Variants in LEF1 observed in about 807,000 individuals in gnomAD.
LEF1 encodes lymphoid enhancer binding factor 1.
A neutral mutation model predicts 51.2 loss-of-function variants in LEF1; 14 were observed. The ratio of observed to expected loss-of-function variants is 0.27; its 90% confidence interval spans 0.18 to 0.43. The LOEUF (loss-of-function observed/expected upper bound fraction) is 0.43, where lower values mean the gene tolerates loss of function less well. Among genes scored for constraint, LEF1 ranks in the 20% least tolerant of loss-of-function variants. The pLI, the probability that LEF1 is intolerant of heterozygous loss-of-function variation, is 1.00. For synonymous variants in LEF1, 185 were observed against 183.2 expected, an observed-to-expected ratio of 1.01 and a Z score of -0.08; for missense variants, 386 against 512.0, an observed-to-expected ratio of 0.75 and a Z score of 2.37.
chr4:108,091,813 A>T (rs1740045766), intron 3 of LEF1, among the ~76,000 whole-genome samples: 1 of 152,040 alleles, frequency 6.6e-6, no homozygotes, highest in African/African-American at 2.4e-5. Context: ...TTTATTATGA[A>T]CTCTTTTGAA....
At chr4:108,054,621 G>A (rs189939432) in intron 11 of LEF1, among the ~76,000 whole-genome samples, 3 of 152,308 alleles carry the variant, frequency 2.0e-5, no homozygotes, top group Non-Finnish European at 4.4e-5. Flanking sequence ...CGACACATTC[G>A]GGGCAGCAAG....
chr4:108,065,350 T>C (rs911464276), intron 9 of LEF1, among the ~76,000 whole-genome samples: 8 of 152,168 alleles, frequency 5.3e-5, no homozygotes, highest in African/African-American at 1.9e-4. Flanking sequence ...CCAGGCGTGG[T>C]GGCGTGCGCC....
chr4:108,145,864 T>C (rs1368421932), intron 3 of LEF1, among the ~76,000 whole-genome samples: 1 of 152,184 alleles, frequency 6.6e-6, no homozygotes, highest in Non-Finnish European at 1.5e-5. Context: ...AAGGGGATAA[T>C]AGCTAAAGGC....
At chr4:108,115,396 C>T (rs1212120803) in intron 3 of LEF1, among the ~76,000 whole-genome samples, 2 of 152,114 alleles carry the variant, frequency 1.3e-5, no homozygotes, top group Non-Finnish European at 2.9e-5. Flanking sequence ...TGCTATGTAA[C>T]CTTGAGAAAA....
intron 3 of LEF1, among the ~76,000 whole-genome samples, chr4:108,091,000 G>A (rs1739983962): frequency 6.6e-6 from 1 of 152,056 alleles, no homozygotes; most frequent in Non-Finnish European, 1.5e-5. Flanking sequence ...TGGGTAACAT[G>A]AATTTAAGAG....
At chr4:108,139,962 G>A (rs372899118) in intron 3 of LEF1, among the ~76,000 whole-genome samples, 4 of 152,062 alleles carry the variant, frequency 2.6e-5, no homozygotes, top group African/African-American at 9.7e-5. Flanking sequence ...AAGAATTCAT[G>A]GGGACTTTCT....
intron 3 of LEF1, among the ~76,000 whole-genome samples, chr4:108,162,591 G>A (rs1480262466): frequency 6.6e-6 from 1 of 152,006 alleles, no homozygotes; most frequent in Non-Finnish European, 1.5e-5. Flanking sequence ...AAACACTATA[G>A]GTTCCATTTT....
At chr4:108,100,947 T>C (rs1201100147) in intron 3 of LEF1, among the ~76,000 whole-genome samples, 1 of 152,214 alleles carries the variant, frequency 6.6e-6, no homozygotes. Context: ...GATTATCATT[T>C]AACATGGTCT....
chr4:108,151,258 T>C (rs1256778221), intron 3 of LEF1, among the ~76,000 whole-genome samples: 5 of 152,228 alleles, frequency 3.3e-5, no homozygotes, highest in Non-Finnish European at 4.4e-5. Context: ...CTTTGAACTC[T>C]TGTGTTATCC....
rs180718422 is a variant in LEF1 at position 108,125,655 on chromosome 4, G to T, written c.415-36398C>A. On this transcript the variant is annotated intron_variant, in intron 3 of 11. Transcript: ENST00000265165. ...CTGATAGTTTTTATGATATTACAGG[G>T]ATTTTTACAACTTTAAGTTCTAGAA... 6.9e-3 allele frequency among the ~76,000 whole-genome samples: 1,051 copies of T among 151,920 alleles called. 3 individuals carry two copies. Among genetic ancestry groups the T allele is most frequent in the Non-Finnish European group, 8.9e-3 (602 of 67,984 alleles).
At chr4:108,083,238 T>G in intron 5 of LEF1, 118 bp downstream of exon 5, 1 of 754,402 alleles carries the variant, frequency 1.3e-6, no homozygotes, top group Non-Finnish European at 2.4e-6. Flanking sequence ...CCTTGCTTGT[T>G]GATGTGAAAT....
intron 3 of LEF1, among the ~76,000 whole-genome samples, chr4:108,141,202 A>C (rs953125815): frequency 2.0e-5 from 3 of 152,230 alleles, no homozygotes; most frequent in Non-Finnish European, 4.4e-5. Context: ...TAATTCAGCC[A>C]ATATCAAATT....
chr4:108,050,650 G>A (rs1292771111), intron 11 of LEF1, among the ~76,000 whole-genome samples: 2 of 152,316 alleles, frequency 1.3e-5, no homozygotes, highest in East Asian at 3.9e-4. Flanking sequence ...TTCCTGGGAA[G>A]GTTTTCCTCT....
chr4:108,110,989 A>G (rs533977319), intron 3 of LEF1, among the ~76,000 whole-genome samples: 2 of 152,338 alleles, frequency 1.3e-5, no homozygotes, highest in East Asian at 1.9e-4. Context: ...GTAAACTAGT[A>G]TATAGAAAGA....
chr4:108,152,219 A>C (rs1433295989), intron 3 of LEF1, among the ~76,000 whole-genome samples: 1 of 152,200 alleles, frequency 6.6e-6, no homozygotes, highest in Non-Finnish European at 1.5e-5. Context: ...GCTGGCAGGG[A>C]ATAGAGAACA....
At chr4:108,101,162 G>C (rs1740795906) in intron 3 of LEF1, among the ~76,000 whole-genome samples, 1 of 152,158 alleles carries the variant, frequency 6.6e-6, no homozygotes, top group African/African-American at 2.4e-5. Context: ...TACTTCTCAA[G>C]GAAAGTGTTA....
chr4:108,135,389 G>GT (rs1164434044), intron 3 of LEF1, among the ~76,000 whole-genome samples: 1 of 152,180 alleles, frequency 6.6e-6, no homozygotes, highest in Non-Finnish European at 1.5e-5. Flanking sequence ...AATTAAGACT[G>GT]TTTAGCCTGG....
intron 3 of LEF1, among the ~76,000 whole-genome samples, chr4:108,124,508 T>C: frequency 6.6e-6 from 1 of 152,056 alleles, no homozygotes; most frequent in Non-Finnish European, 1.5e-5. Flanking sequence ...TAGCTGGAAC[T>C]ACAGGTGTAC....
At position 108,126,467 on chromosome 4, in the gene LEF1, T is replaced by C. The variant is rs139445307; in HGVS notation, c.414+37101A>G. 3.2e-3 allele frequency among the ~76,000 whole-genome samples: 485 copies of C among 152,278 alleles called. 4 individuals are homozygous for C. The highest frequency in any genetic ancestry group is 0.011 in the African/African-American group (447 of 41,560). ...ATTATAACTTAATAGTTTCTCAAAA[T>C]ACTCATTTCCTGATTTTTTTATTCT... On this transcript the variant is annotated intron_variant, in intron 3 of 11. Transcript: ENST00000265165.
Sources: allele counts gnomAD v4.1 joint callset (sites outside exome capture counted in the v4.1 genomes callset), GRCh38; gene constraint gnomAD v4.1.1; transcripts MANE v1.5; gene names NCBI Gene and HGNC (gene_info 2026-07-23, HGNC 2026-07-21).